The following KCNQ1 variants were observed in gnomAD, a reference collection of about 807,000 sequenced individuals.
The protein encoded by KCNQ1 is potassium voltage-gated channel subfamily Q member 1, also known as potassium voltage-gated channel subfamily KQT member 1.
Under a neutral mutation model 72.4 loss-of-function variants are expected in KCNQ1, and 49 were observed. That is an observed-to-expected ratio of 0.68 (90% CI 0.54 to 0.86). The LOEUF is 0.86. Ranked by LOEUF, KCNQ1 falls within the 40% of genes least tolerant of loss-of-function variation. The probability of loss-of-function intolerance (pLI) is 0.00; values close to 1 mark genes in which losing one functional copy is unlikely to be tolerated. For synonymous variants in KCNQ1, 450 were observed against 412.6 expected, an observed-to-expected ratio of 1.09 and a Z score of -1.10; for missense variants, 790 against 945.1, an observed-to-expected ratio of 0.84 and a Z score of 2.15.
intron 2 of KCNQ1, among the ~76,000 whole-genome samples, chr11:2,530,184 G>A (rs1847594649): frequency 1.3e-5 from 2 of 152,190 alleles, no homozygotes; most frequent in South Asian, 4.1e-4. Context: ...TGGGCCTCAT[G>A]TTTTATGGGG....
chr11:2,530,397 C>G (rs1412020253), intron 2 of KCNQ1, among the ~76,000 whole-genome samples: 2 of 152,254 alleles, frequency 1.3e-5, no homozygotes, highest in Non-Finnish European at 2.9e-5. Flanking sequence ...GTGGGGGGTC[C>G]CTGACCTGGT....
Position 2,642,804 on chromosome 11 carries a change from A to G in KCNQ1, c.1394-19157A>G, listed in dbSNP as rs543033098. ...TTTTTTAATGGAGGCATTTATTACA[A>G]TAAACTTTCCTCTTAGCATTGCTTT... On this transcript the variant is annotated intron_variant, in intron 10 of 15. Transcript: ENST00000155840. This position sits in a 1 kb window ranked among gnomAD's most constrained non-coding sequence, Gnocchi z 4.3. 1 of 397,860 alleles carries G rather than the reference A, an allele frequency of 2.5e-6. No individual in the cohort carries two copies. Among genetic ancestry groups the G allele is most frequent in the Non-Finnish European group, 4.4e-6 (1 of 225,684 alleles). The allele number at this position is 397,860 out of a possible 1,614,324, so 24.6% of individuals were successfully genotyped here. A position where few individuals can be genotyped will look rare whatever the true frequency, so the allele number is the denominator to read the frequency against.
intron 1 of KCNQ1, among the ~76,000 whole-genome samples, chr11:2,476,768 C>T (rs993419918): frequency 5.9e-5 from 9 of 152,204 alleles, no homozygotes; most frequent in Admixed American, 3.9e-4. Context: ...CTTACAGCAA[C>T]GTCTACCTCC....
At chr11:2,777,635 C>A (rs1846733514) in intron 14 of KCNQ1, 1 of 586,924 alleles carries the variant, frequency 1.7e-6, no homozygotes, top group Non-Finnish European at 3.0e-6. Flanking sequence ...GGCTGTGCCC[C>A]CAGCCTGGAG....
intron 11 of KCNQ1, among the ~76,000 whole-genome samples, chr11:2,701,111 G>T (rs1263455346): frequency 1.3e-5 from 2 of 152,176 alleles, no homozygotes; most frequent in Admixed American, 6.5e-5. Context: ...CGAGCCAGCC[G>T]TCCCCCCACC....
chr11:2,570,097 T>C (rs1049563856), intron 2 of KCNQ1, among the ~76,000 whole-genome samples: 1 of 150,828 alleles, frequency 6.6e-6, no homozygotes, highest in African/African-American at 2.5e-5. Context: ...GCACCCGGGG[T>C]TCCTGGCGTG....
intron 1 of KCNQ1, among the ~76,000 whole-genome samples, chr11:2,469,566 C>T (rs539670184): frequency 5.9e-5 from 9 of 152,218 alleles, no homozygotes; most frequent in East Asian, 1.9e-4. Context: ...CTACGGCTCC[C>T]GGCCGAGATG....
At chr11:2,639,385 G>T (rs555348228) in intron 10 of KCNQ1, 23 of 152,210 alleles carry the variant, frequency 1.5e-4, no homozygotes, top group African/African-American at 5.3e-4. Context: ...TATAGATGGA[G>T]TTTTGGTGTG....
chr11:2,524,541 G>T (rs1462539318), intron 1 of KCNQ1, among the ~76,000 whole-genome samples: 2 of 152,246 alleles, frequency 1.3e-5, no homozygotes, highest in Admixed American at 1.3e-4. Context: ...AGGGGCGTGG[G>T]TAGCGGGCAG....
chr11:2,776,584 A>G lies in KCNQ1; in HGVS notation c.1686-402A>G, dbSNP rs567865144. Among the ~76,000 whole-genome samples the G allele has an allele frequency of 4.6e-5, 7 of 152,284 alleles. No homozygotes were observed. In the South Asian group the frequency reaches 1.4e-3, roughly 32 times the overall value. ...TAGCACCATCCTCCCGGGCCTGCAC[A>G]GACTCAGAGCAGCTGTGCCTCCGAG... is the stretch of plus-strand genomic sequence containing the variant. On this transcript the variant is annotated intron_variant, in intron 13 of 15. Coordinates refer to ENST00000155840, the MANE Select transcript of KCNQ1 (RefSeq NM_000218.3).
intron 15 of KCNQ1, among the ~76,000 whole-genome samples, chr11:2,799,148 G>C (rs1333172228): frequency 6.6e-6 from 1 of 152,226 alleles, no homozygotes; most frequent in Non-Finnish European, 1.5e-5. Context: ...CACGTGCCTG[G>C]AACAGAAAGG....
chr11:2,702,791 C>A (rs576442786), intron 11 of KCNQ1, among the ~76,000 whole-genome samples: 33 of 152,216 alleles, frequency 2.2e-4, no homozygotes, highest in African/African-American at 7.2e-4. Context: ...GTTGCCAGGC[C>A]AAGGAGCCTG....
chr11:2,674,130 C>A lies in KCNQ1; in HGVS notation c.1514+12049C>A. 1 of 398,568 alleles carries A rather than the reference C, an allele frequency of 2.5e-6. No homozygotes were observed. Among genetic ancestry groups the A allele is most frequent in the Non-Finnish European group, 4.4e-6 (1 of 226,128 alleles). The allele number at this position is 398,568 out of a possible 1,614,324, so 24.7% of individuals were successfully genotyped here. On this transcript the variant is annotated intron_variant, in intron 11 of 15. Coordinates refer to ENST00000155840, the MANE Select transcript of KCNQ1 (RefSeq NM_000218.3). This position sits in a 1 kb window ranked among gnomAD's most constrained non-coding sequence, Gnocchi z 5.9. Reference sequence around the variant, plus strand: ...AGGTGTGGAAGCTGGTTTGCCGGGGCCACCCAGTGTGGGCTCAGGAAGGGA... The same window carrying A: ...AGGTGTGGAAGCTGGTTTGCCGGGGACACCCAGTGTGGGCTCAGGAAGGGA...
At chr11:2,636,758 T>G (rs1849473758) in intron 10 of KCNQ1, 1 of 152,294 alleles carries the variant, frequency 6.6e-6, no homozygotes, top group Non-Finnish European at 1.5e-5. Context: ...TCAGAAGGCA[T>G]AGTACCAGCT....
rs35931322 is a variant in KCNQ1, at chr11:2,683,128, AG to A, written c.1514+21050del. 231,125 of 398,230 alleles carry A rather than the reference AG, an allele frequency of 0.58. 71,888 individuals carry two copies. Among genetic ancestry groups the A allele is most frequent in the East Asian group, 0.99 (27,891 of 28,068 alleles). The allele number at this position is 398,230 out of a possible 1,614,324, so 24.7% of individuals were successfully genotyped here. On this transcript the variant is annotated intron_variant, in intron 11 of 15. Coordinates refer to ENST00000155840, the MANE Select transcript of KCNQ1 (RefSeq NM_000218.3). This position sits in a 1 kb window ranked among gnomAD's most constrained non-coding sequence, Gnocchi z 4.7. ...CCAGGATATATCGCACCAACTCAGG[AG>A]GGTGTGGGGATGGGCTAGCATTAGG...
chr11:2,733,854 T>TCCCCCC (rs1554914274), intron 11 of KCNQ1, among the ~76,000 whole-genome samples: 1 of 41,170 alleles, frequency 2.4e-5, no homozygotes, highest in African/African-American at 1.4e-4. Context: ...TCTCTCTCTC[T>TCCCCCC]CTCCCCCCCC....
chr11:2,467,458 G>A (rs1336456407), intron 1 of KCNQ1, among the ~76,000 whole-genome samples: 3 of 152,182 alleles, frequency 2.0e-5, no homozygotes, highest in Admixed American at 1.3e-4. Flanking sequence ...AGGATATGGT[G>A]TGGCCGGGGG....
rs1196711108 is a variant in KCNQ1, at chr11:2,612,368, C to G, written c.1393+23514C>G. On this transcript the variant is annotated intron_variant, in intron 10 of 15. Coordinates refer to ENST00000155840, the MANE Select transcript of KCNQ1 (RefSeq NM_000218.3). The surrounding 1 kb of genome is among the most constrained non-coding windows in gnomAD (Gnocchi z 5.5). ...AAATTGTCTTCCACAAAACTGGTCC[C>G]TCATGCCAAAAAGGTTGGGGACCAC... 2 of 398,504 alleles carry G rather than the reference C, an allele frequency of 5.0e-6. No homozygotes were observed. Among genetic ancestry groups the G allele is most frequent in the Non-Finnish European group, 8.8e-6 (2 of 226,078 alleles). The allele number at this position is 398,504 out of a possible 1,614,324, so 24.7% of individuals were successfully genotyped here.
intron 10 of KCNQ1, chr11:2,618,015 C>T (rs1849096781): frequency 2.5e-6 from 1 of 398,334 alleles, no homozygotes; most frequent in South Asian, 1.3e-4. Flanking sequence ...GTTTCCGTTC[C>T]TGTGCAGAAG....
Sources: allele counts gnomAD v4.1 joint callset (sites outside exome capture counted in the v4.1 genomes callset), GRCh38; gene constraint gnomAD v4.1.1; non-coding constraint Gnocchi (gnomAD v3.1); transcripts MANE v1.5; gene names NCBI Gene and HGNC (gene_info 2026-07-23, HGNC 2026-07-21).